COL15A1: variants seen among roughly 807,000 people sequenced by gnomAD.
The protein encoded by COL15A1 is collagen type XV alpha 1 chain.
In COL15A1, 111 loss-of-function variants were observed where a neutral mutation model predicts 165.9. The observed-to-expected ratio is 0.67, with a 90% CI of 0.57 to 0.78. The LOEUF (loss-of-function observed/expected upper bound fraction) is 0.78. COL15A1 is among the 30% of genes least tolerant of loss of function. COL15A1 has a pLI of 0.00. For synonymous variants in COL15A1, 659 were observed against 674.8 expected, an observed-to-expected ratio of 0.98 and a Z score of 0.36; for missense variants, 1,745 against 1,789.7, an observed-to-expected ratio of 0.98 and a Z score of 0.45.
intron 5 of COL15A1, 65 bp from the exon 6 acceptor site, chr9:98,996,867 TTC>T: frequency 1.3e-6 from 2 of 1,590,766 alleles, no homozygotes; most frequent in Non-Finnish European, 1.7e-6. Context: ...TTCAGTGATA[TTC>T]TCTGTCATTT....
At chr9:98,956,774 C>T (rs1265162173) in intron 2 of COL15A1, among the ~76,000 whole-genome samples, 1 of 152,232 alleles carries the variant, frequency 6.6e-6, no homozygotes, top group Non-Finnish European at 1.5e-5. Flanking sequence ...TCAGCATAAC[C>T]TGGGAACTTG....
intron 40 of COL15A1, among the ~76,000 whole-genome samples, chr9:99,067,995 G>A (rs1825923068): frequency 6.6e-6 from 1 of 152,170 alleles, no homozygotes; most frequent in Non-Finnish European, 1.5e-5. Context: ...TTGGAAGGAG[G>A]CTTGTATACA....
intron 40 of COL15A1, 68 bp from the exon 41 acceptor site, chr9:99,068,485 AAG>A (rs1554692485): frequency 1.4e-4 from 89 of 644,380 alleles, no homozygotes; most frequent in African/African-American, 1.2e-3. Flanking sequence ...AAAAAAAAAA[AAG>A]AGTAAAAATC....
chr9:98,952,062 G>A (rs919146322), intron 2 of COL15A1, among the ~76,000 whole-genome samples: 1 of 152,250 alleles, frequency 6.6e-6, no homozygotes, highest in African/African-American at 2.4e-5. Flanking sequence ...ATGAGGCAGG[G>A]ATGGGCCTGT....
intron 13 of COL15A1, 116 bp from the exon 14 acceptor site, chr9:99,023,241 T>G: frequency 7.8e-7 from 1 of 1,277,740 alleles, no homozygotes; most frequent in Non-Finnish European, 1.0e-6. Flanking sequence ...GGAGCAGAAG[T>G]TATCGGGCTA....
chr9:98,999,113 G>T (rs1020306609), intron 6 of COL15A1, among the ~76,000 whole-genome samples: 4 of 152,236 alleles, frequency 2.6e-5, no homozygotes, highest in Non-Finnish European at 5.9e-5. Flanking sequence ...CACAGGATGG[G>T]ACAGGAGTGG....
chr9:99,054,471 G>A (rs1825681545), intron 31 of COL15A1, 105 bp from the exon 32 acceptor site: 1 of 1,260,430 alleles, frequency 7.9e-7, no homozygotes, highest in Non-Finnish European at 1.1e-6. Flanking sequence ...TTGTTTGAGT[G>A]GACTTTGCTA....
intron 16 of COL15A1, among the ~76,000 whole-genome samples, chr9:99,028,337 T>A (rs1839162830): frequency 6.6e-6 from 1 of 152,090 alleles, no homozygotes; most frequent in Admixed American, 6.6e-5. Flanking sequence ...TGAGCTAAGC[T>A]ATGAGGACCC....
At chr9:98,991,136 C>T (rs1838417812) in intron 5 of COL15A1, among the ~76,000 whole-genome samples, 1 of 152,106 alleles carries the variant, frequency 6.6e-6, no homozygotes, top group African/African-American at 2.4e-5. Flanking sequence ...TCAGTGCGGA[C>T]CCAAAGACAC....
Position 99,036,399 on chromosome 9 carries a change from G to A in COL15A1, c.2409+3G>A, listed in dbSNP as rs771632237. The A allele has an allele frequency of 1.9e-6, 3 of 1,613,988 alleles. No individual in the cohort carries two copies. The highest frequency in any genetic ancestry group is 2.7e-5 in the African/African-American group (2 of 74,930). On this transcript the variant is annotated splice_donor_region_variant and intron_variant, in intron 21 of 41. Transcript: ENST00000375001. ...GGCACATCAAGGTCTTGTCTAATGT[G>A]AGTATCATTCAGGTCAGAGCTTGTC...
chr9:99,043,493 C>T (rs892356563), intron 24 of COL15A1, among the ~76,000 whole-genome samples: 4 of 152,188 alleles, frequency 2.6e-5, no homozygotes, highest in Non-Finnish European at 5.9e-5. Context: ...CTGGTCCAGG[C>T]AGCCGGGCAG....
At chr9:99,035,971 G>A (rs1839293782) in intron 19 of COL15A1, among the ~76,000 whole-genome samples, 199 bp from the exon 20 acceptor site, 1 of 152,148 alleles carries the variant, frequency 6.6e-6, no homozygotes. Context: ...ACCCAATGCT[G>A]GGAGAGGGCC....
rs1564098937 is a variant in COL15A1, at chr9:99,066,918, G to T, written c.3688G>T (p.Asp1230Tyr). The T allele has an allele frequency of 6.2e-7, 1 of 1,613,932 alleles. No homozygotes were observed. Among genetic ancestry groups the T allele is most frequent in the Non-Finnish European group, 8.5e-7 (1 of 1,179,966 alleles). Reference sequence around the variant, plus strand: ...TGCTCTGAACATGCCATTTTCTGGGGACATTCGAGCTGATTTTCAGTGCTT... The same window carrying T: ...TGCTCTGAACATGCCATTTTCTGGGTACATTCGAGCTGATTTTCAGTGCTT... ...LAALNMPFSG[D>Y]IRADFQCFKQ... Residue 1230 changes from aspartate to tyrosine, a missense_variant, in exon 40 of 42, where the codon GAC (aspartate) becomes TAC (tyrosine). Coordinates refer to ENST00000375001, the MANE Select transcript of COL15A1 (RefSeq NM_001855.5).
At chr9:99,015,608 A>C (rs761480212) in intron 10 of COL15A1, 42 bp downstream of exon 10, 1 of 1,589,736 alleles carries the variant, frequency 6.3e-7, no homozygotes, top group East Asian at 2.2e-5. Context: ...CAGGGGAGAG[A>C]CAGGTCTGCA....
intron 16 of COL15A1, among the ~76,000 whole-genome samples, chr9:99,032,575 C>T (rs943335588): frequency 6.6e-6 from 1 of 152,142 alleles, no homozygotes. Context: ...GCCTTTTAAT[C>T]TGGAGACTTC....
chr9:99,067,307 G>T (rs1175379274), intron 40 of COL15A1, among the ~76,000 whole-genome samples: 2 of 152,132 alleles, frequency 1.3e-5, no homozygotes, highest in South Asian at 2.1e-4. Flanking sequence ...TTGATACAGG[G>T]TTTTCTTGTT....
chr9:98,974,557 C>T (rs561247907), intron 2 of COL15A1, among the ~76,000 whole-genome samples: 6 of 152,180 alleles, frequency 3.9e-5, no homozygotes, highest in Admixed American at 1.3e-4. Context: ...ATGCTGCAGG[C>T]GCAGAGGAGG....
chr9:99,030,907 C>G (rs1839204773), intron 16 of COL15A1, among the ~76,000 whole-genome samples: 1 of 152,184 alleles, frequency 6.6e-6, no homozygotes, highest in Non-Finnish European at 1.5e-5. Context: ...GCAGACATAG[C>G]AACTGTAGCC....
At chr9:98,989,980 C>G (rs1444761577) in intron 5 of COL15A1, among the ~76,000 whole-genome samples, 1 of 152,188 alleles carries the variant, frequency 6.6e-6, no homozygotes, top group Non-Finnish European at 1.5e-5. Flanking sequence ...CTAAATACAG[C>G]AGAGCTTCAG....
Sources: gnomAD v4.1 joint callset for allele counts (sites outside exome capture counted in the v4.1 genomes callset) on GRCh38, gnomAD v4.1.1 for gene constraint, MANE v1.5 for transcripts, NCBI Gene and HGNC (gene_info 2026-07-23, HGNC 2026-07-21) for gene names.